TXNDC11: variants seen among roughly 807,000 people sequenced by gnomAD.
TXNDC11 encodes the protein thioredoxin domain-containing protein 11.
Under a neutral mutation model 78.0 loss-of-function variants are expected in TXNDC11, and 68 were observed. That is an observed-to-expected ratio of 0.87 (90% CI 0.72 to 1.07). The LOEUF (loss-of-function observed/expected upper bound fraction) is 1.07. TXNDC11 is among the 50% of genes least tolerant of loss of function. The probability of loss-of-function intolerance (pLI) is 0.00; values close to 1 mark genes in which losing one functional copy is unlikely to be tolerated. For missense variants in TXNDC11, 1,389 were observed against 1,221.8 expected, an observed-to-expected ratio of 1.14 and a Z score of -2.04; for synonymous variants, 571 against 495.2, an observed-to-expected ratio of 1.15 and a Z score of -2.03.
At chr16:11,714,651 A>C (rs887014620) in intron 5 of TXNDC11, among the ~76,000 whole-genome samples, 2 of 152,036 alleles carry the variant, frequency 1.3e-5, no homozygotes, top group East Asian at 3.9e-4. Context: ...AAAAAAAAAA[A>C]AATTTCCAAT....
chr16:11,738,885 G>A (rs968814534), intron 1 of TXNDC11, among the ~76,000 whole-genome samples: 1 of 152,070 alleles, frequency 6.6e-6, no homozygotes, highest in Admixed American at 6.6e-5. Context: ...AAATTAGCTG[G>A]GCATGGTGGT....
At chr16:11,687,820 C>A in intron 10 of TXNDC11, 37 bp downstream of exon 10, 2 of 1,380,288 alleles carry the variant, frequency 1.4e-6, no homozygotes, top group Non-Finnish European at 2.1e-6. Context: ...TGAAAATGGG[C>A]ATACAGCCCA....
chr16:11,705,618 T>C (rs576706293), intron 5 of TXNDC11, among the ~76,000 whole-genome samples: 38 of 152,318 alleles, frequency 2.5e-4, no homozygotes, highest in Middle Eastern at 6.8e-3. Context: ...AAGGGGCCAT[T>C]CAAAAACCTG....
chr16:11,692,935 C>T (rs1245865461), intron 7 of TXNDC11, among the ~76,000 whole-genome samples: 2 of 152,160 alleles, frequency 1.3e-5, no homozygotes, highest in African/African-American at 4.8e-5. Context: ...TCCCAAGGCC[C>T]AGCACCAGGG....
intron 7 of TXNDC11, among the ~76,000 whole-genome samples, chr16:11,692,546 G>A (rs938973792): frequency 2.0e-5 from 3 of 152,122 alleles, no homozygotes; most frequent in African/African-American, 4.8e-5. Flanking sequence ...AAAGAGGTAA[G>A]GATGTTAAGA....
chr16:11,710,333 T>A (rs1183934375), intron 5 of TXNDC11, among the ~76,000 whole-genome samples: 1 of 91,486 alleles, frequency 1.1e-5, no homozygotes, highest in African/African-American at 5.3e-5. Flanking sequence ...GAGGTCTCTG[T>A]CACGTTCTCT....
chr16:11,732,162 C>G (rs2052075451), intron 3 of TXNDC11, among the ~76,000 whole-genome samples: 1 of 152,200 alleles, frequency 6.6e-6, no homozygotes, highest in East Asian at 1.9e-4. Flanking sequence ...GGACACATTT[C>G]TAAAGTTCCT....
At chr16:11,690,729 T>C (rs954899442) in intron 8 of TXNDC11, 2 of 152,400 alleles carry the variant, frequency 1.3e-5, no homozygotes, top group African/African-American at 4.8e-5. Flanking sequence ...ATTTTTTTTT[T>C]TTTTGTATTT....
intron 10 of TXNDC11, among the ~76,000 whole-genome samples, chr16:11,686,899 G>A (rs145766707): frequency 1.1e-4 from 16 of 152,248 alleles, no homozygotes; most frequent in African/African-American, 3.9e-4. Flanking sequence ...CTATGTCTCA[G>A]TTTCCTCCTC....
intron 1 of TXNDC11, among the ~76,000 whole-genome samples, chr16:11,737,457 A>G (rs918628677): frequency 6.6e-6 from 1 of 151,972 alleles, no homozygotes; most frequent in Non-Finnish European, 1.5e-5. Flanking sequence ...AAAAAAAAAA[A>G]AGAAAGAAAG....
chr16:11,733,826 G>A (rs1384205576), intron 3 of TXNDC11, among the ~76,000 whole-genome samples, 156 bp downstream of exon 3: 1 of 152,126 alleles, frequency 6.6e-6, no homozygotes, highest in Non-Finnish European at 1.5e-5. Flanking sequence ...AAGGGGGGTG[G>A]ATTATCCAGA....
At chr16:11,693,663 A>C (rs904677452) in intron 7 of TXNDC11, among the ~76,000 whole-genome samples, 1 of 152,226 alleles carries the variant, frequency 6.6e-6, no homozygotes, top group African/African-American at 2.4e-5. Context: ...TTTATAACCC[A>C]CCAGAAAACT....
At chr16:11,721,785 T>C (rs917766810) in intron 4 of TXNDC11, 115 bp from the exon 5 acceptor site, 1 of 572,056 alleles carries the variant, frequency 1.7e-6, no homozygotes. Flanking sequence ...TTGTTGCCTT[T>C]CATTTTTTCA....
rs748213465 is a variant in TXNDC11 at position 11,742,611 on chromosome 16, G to A, written c.120C>T (p.Ala40=). 8.2e-6 allele frequency: 12 copies of A among 1,463,502 alleles called. No homozygotes were observed. Among genetic ancestry groups the A allele is most frequent in the Non-Finnish European group, 9.0e-6 (10 of 1,114,128 alleles). 90.7% of individuals were successfully genotyped at this position (1,463,502 alleles called of 1,614,324 possible). ...GGAGCCGGCCCGCCGAGGACGCTGT[G>A]GCCAGGGTCGGGCTCGAGCTGAGGC... ...SDCLSSSPTL[A]TASSAGRLRR... The change falls in exon 1 of 12, where the codon GCC becomes GCT. Residue 40 remains alanine (A), a synonymous_variant. Coordinates refer to ENST00000283033, the MANE Select transcript of TXNDC11 (RefSeq NM_015914.7).
At chr16:11,704,517 T>C (rs2051123548) in intron 5 of TXNDC11, among the ~76,000 whole-genome samples, 1 of 152,210 alleles carries the variant, frequency 6.6e-6, no homozygotes, top group Non-Finnish European at 1.5e-5. Context: ...CAGCAGACAC[T>C]ACTTTAACCA....
chr16:11,734,371 A>G (rs1249729776), intron 2 of TXNDC11, among the ~76,000 whole-genome samples: 1 of 152,114 alleles, frequency 6.6e-6, no homozygotes, highest in Non-Finnish European at 1.5e-5. Context: ...TTTTTTCCCT[A>G]CTGAGTACAT....
rs756232397 is a variant in TXNDC11 at position 11,679,853 on chromosome 16, A to T, written c.2235-16T>A. 16 of 1,595,056 alleles carry T rather than the reference A, an allele frequency of 1.0e-5. No individual in the cohort carries two copies. In the African/African-American group the frequency reaches 2.1e-4, roughly 21 times the overall value. On this transcript the variant is annotated splice_polypyrimidine_tract_variant and intron_variant, in intron 11 of 11. Coordinates refer to ENST00000283033, the MANE Select transcript of TXNDC11 (RefSeq NM_015914.7). The surrounding 1 kb of genome is among the most constrained non-coding windows in gnomAD (Gnocchi z 4.6). ...TAGGTCCTTTCTGGAGAGAGAGGGA[A>T]AGGAAGCAAAGACAGGAGTCACACC...
chr16:11,734,113 G>T (rs759709754), intron 2 of TXNDC11, 34 bp from the exon 3 acceptor site: 3 of 1,349,418 alleles, frequency 2.2e-6, no homozygotes, highest in African/African-American at 3.0e-5. Flanking sequence ...AAATGACTAT[G>T]AATAACAACT....
Position 11,698,312 on chromosome 16 carries a change from T to C in TXNDC11, c.920A>G (p.Glu307Gly). 6.2e-7 allele frequency: 1 copy of C among 1,613,478 alleles called. No individual in the cohort carries two copies. Among genetic ancestry groups the C allele is most frequent in the Non-Finnish European group, 8.5e-7 (1 of 1,180,004 alleles). Residue 307 changes from glutamate (E) to glycine (G), a missense_variant, in exon 7 of 12, where the codon GAG (glutamate) becomes GGG (glycine). Transcript: ENST00000283033. The stretch of plus-strand genomic sequence containing the variant: ...GTTCTCAGCTGTGTAGTTCAGGACC[T>C]CCCTGGGGAAGACCTGTGAAGGACA... ...HFNTSLVFPR[E>G]VLNYTAENIC... is the part of the protein sequence containing the mutation.
Sources: gnomAD v4.1 joint callset for allele counts (sites outside exome capture counted in the v4.1 genomes callset) on GRCh38, gnomAD v4.1.1 for gene constraint, Gnocchi (gnomAD v3.1) non-coding constraint, MANE v1.5 for transcripts, NCBI Gene and HGNC (gene_info 2026-07-23, HGNC 2026-07-21) for gene names.